The following TMEM106B variants were observed in gnomAD, a reference collection of about 807,000 sequenced individuals.
TMEM106B encodes transmembrane protein 106B.
Under a neutral mutation model 31.1 loss-of-function variants are expected in TMEM106B, and 15 were observed. That is an observed-to-expected ratio of 0.48 (90% confidence interval 0.32 to 0.74). The LOEUF (loss-of-function observed/expected upper bound fraction) is 0.74. Ranked by LOEUF, TMEM106B falls within the 30% of genes least tolerant of loss-of-function variation. The probability of loss-of-function intolerance (pLI) is 0.03; values close to 1 mark genes in which losing one functional copy is unlikely to be tolerated. For missense variants in TMEM106B, 283 were observed against 327.3 expected, an observed-to-expected ratio of 0.86 and a Z score of 1.04; for synonymous variants, 126 against 112.5, an observed-to-expected ratio of 1.12 and a Z score of -0.76.
In TMEM106B at chr7:12,240,620, C is replaced by T. The variant is rs1782223979; in HGVS notation, c.*8645C>T. ...AAAGATGTATTACCTGAATGTGCTC[C>T]TCCTAGCCAGTTTCTCAAGGGAGAA... On this transcript the variant is annotated 3_prime_UTR_variant, in exon 8 of 8. Coordinates refer to ENST00000396668, the MANE Select transcript of TMEM106B (RefSeq NM_001134232.2). 6.6e-6 allele frequency: 1 copy of T among 150,958 alleles called. No individual in the cohort carries two copies. Among genetic ancestry groups the T allele is most frequent in the African/African-American group, 2.4e-5 (1 of 41,068 alleles). 9.4% of individuals were successfully genotyped at this position (150,958 alleles called of 1,614,324 possible).
rs1782053994 is a variant in TMEM106B at position 12,232,886 on chromosome 7, A to G, written c.*911A>G. The G allele has an allele frequency of 6.6e-6, 1 of 151,890 alleles. No homozygotes were observed. The highest frequency in any genetic ancestry group is 1.5e-5 in the Non-Finnish European group (1 of 67,762). 9.4% of individuals were successfully genotyped at this position (151,890 alleles called of 1,614,324 possible). A position where few individuals can be genotyped will look rare whatever the true frequency, so the allele number is the denominator to read the frequency against. On this transcript the variant is annotated 3_prime_UTR_variant, in exon 8 of 8. Transcript: ENST00000396668. Reference sequence around the variant, plus strand: ...TGGCATAAAATAAATTTGAAATAAAATATTTTGATGCTCCATTTTTTTATG... The same window carrying G: ...TGGCATAAAATAAATTTGAAATAAAGTATTTTGATGCTCCATTTTTTTATG...
At position 12,243,225 on chromosome 7, in the gene TMEM106B, C is replaced by G. The variant is rs1400209755; in HGVS notation, c.*11250C>G. 2.6e-5 allele frequency: 4 copies of G among 151,994 alleles called. No homozygotes were observed. Among genetic ancestry groups the G allele is most frequent in the Non-Finnish European group, 5.9e-5 (4 of 67,966 alleles). The allele number at this position is 151,994 out of a possible 1,614,324, so 9.4% of individuals were successfully genotyped here. A position where few individuals can be genotyped will look rare whatever the true frequency, so the allele number is the denominator to read the frequency against. On this transcript the variant is annotated 3_prime_UTR_variant, in exon 8 of 8. Coordinates refer to ENST00000396668, the MANE Select transcript of TMEM106B (RefSeq NM_001134232.2). ...AGTTCAGGCTTAATATATATGACTA[C>G]TATAAGTCAACCTCACATTTTAATG...
chr7:12,231,766 A>G, intron 7 of TMEM106B, 71 bp from the exon 8 acceptor site: 1 of 1,250,640 alleles, frequency 8.0e-7, no homozygotes, highest in Non-Finnish European at 1.1e-6. Context: ...TTTATGTGTT[A>G]AAGTAGTCTC....
rs1782163360 is a variant in TMEM106B at position 12,237,635 on chromosome 7, G to A, written c.*5660G>A. The A allele has an allele frequency of 6.6e-6, 1 of 151,942 alleles. No homozygotes were observed. The highest frequency in any genetic ancestry group is 1.5e-5 in the Non-Finnish European group (1 of 67,994). The allele number at this position is 151,942 out of a possible 1,614,324, so 9.4% of individuals were successfully genotyped here. On this transcript the variant is annotated 3_prime_UTR_variant, in exon 8 of 8. Coordinates refer to ENST00000396668, the MANE Select transcript of TMEM106B (RefSeq NM_001134232.2). ...TTTACATCATACTGTAGTCTATTAA[G>A]TGTGCAATAGCATTATGTCGAAAAA...
chr7:12,216,403 G>A lies in TMEM106B; in HGVS notation c.217+1376G>A, dbSNP rs190495967. 2.2e-3 allele frequency among the ~76,000 whole-genome samples: 332 copies of A among 152,086 alleles called. 2 individuals are homozygous for A. Among genetic ancestry groups the A allele is most frequent in the African/African-American group, 7.6e-3 (317 of 41,458 alleles). Reference sequence around the variant, plus strand: ...TTGAAAAAAAAAAGATTATTTGAGTGTATATGTCACAGGAGAGTTCAGGAG... The same window carrying A: ...TTGAAAAAAAAAAGATTATTTGAGTATATATGTCACAGGAGAGTTCAGGAG... On this transcript the variant is annotated intron_variant, in intron 2 of 7. Coordinates refer to ENST00000396668, the MANE Select transcript of TMEM106B (RefSeq NM_001134232.2).
intron 1 of TMEM106B, among the ~76,000 whole-genome samples, chr7:12,213,209 C>T (rs1348651062): frequency 6.6e-6 from 1 of 151,786 alleles, no homozygotes; most frequent in African/African-American, 2.4e-5. Flanking sequence ...AGTTAGTGTT[C>T]TAAATTTTGC....
chr7:12,234,001 A>T lies in TMEM106B; in HGVS notation c.*2026A>T, dbSNP rs943787178. ...TACACATTTAGTGACTGTGTAAAAT[A>T]AAAAAAAAGTTATTTTATCATATCC... On this transcript the variant is annotated 3_prime_UTR_variant, in exon 8 of 8. Coordinates refer to ENST00000396668, the MANE Select transcript of TMEM106B (RefSeq NM_001134232.2). 8.5e-5 allele frequency: 12 copies of T among 141,706 alleles called. No homozygotes were observed. The highest frequency in any genetic ancestry group is 2.2e-4 in the South Asian group (1 of 4,628). 8.8% of individuals were successfully genotyped at this position (141,706 alleles called of 1,614,324 possible).
rs1327352726 is a variant in TMEM106B, at chr7:12,235,880, G to A, written c.*3905G>A. The A allele has an allele frequency of 1.3e-5, 2 of 151,904 alleles. No individual in the cohort carries two copies. The highest frequency in any genetic ancestry group is 2.1e-4 in the South Asian group (1 of 4,826). 9.4% of individuals were successfully genotyped at this position (151,904 alleles called of 1,614,324 possible). A position where few individuals can be genotyped will look rare whatever the true frequency, so the allele number is the denominator to read the frequency against. On this transcript the variant is annotated 3_prime_UTR_variant, in exon 8 of 8. Transcript: ENST00000396668. ...GCTTACCATAATGTCATTAGGTCAC[G>A]ATTTTTAGCTCACATCTGGAAGCAG...
chr7:12,224,195 A>G (rs770140622), intron 3 of TMEM106B, 31 bp from the exon 4 acceptor site: 50 of 1,594,868 alleles, frequency 3.1e-5, no homozygotes, highest in South Asian at 1.6e-4. Flanking sequence ...TCTGATGCAC[A>G]TGTACTTAAA....
chr7:12,216,826 G>A (rs774454729), intron 2 of TMEM106B, among the ~76,000 whole-genome samples: 2 of 152,128 alleles, frequency 1.3e-5, no homozygotes, highest in African/African-American at 4.8e-5. Flanking sequence ...ACTGAGAACT[G>A]GCCATTGGAT....
rs1782096212 is a variant in TMEM106B, at chr7:12,234,770, T to C, written c.*2795T>C. ...CAGTACTATAACAAACCTCTGTATG[T>C]TGATAGCACATTGGCCCTTTTTAGA... On this transcript the variant is annotated 3_prime_UTR_variant, in exon 8 of 8. Transcript: ENST00000396668. 1 of 133,534 alleles carries C rather than the reference T, an allele frequency of 7.5e-6. No individual in the cohort carries two copies. The highest frequency in any genetic ancestry group is 3.0e-5 in the African/African-American group (1 of 32,876). 8.3% of individuals were successfully genotyped at this position (133,534 alleles called of 1,614,324 possible).
At chr7:12,218,986 C>T (rs550835129) in intron 3 of TMEM106B, among the ~76,000 whole-genome samples, 18 of 152,066 alleles carry the variant, frequency 1.2e-4, no homozygotes, top group African/African-American at 4.3e-4. Flanking sequence ...GAAGAGGACA[C>T]CCAGCAAATA....
chr7:12,231,775 T>C, intron 7 of TMEM106B, 62 bp from the exon 8 acceptor site: 1 of 1,367,500 alleles, frequency 7.3e-7, no homozygotes, highest in Non-Finnish European at 1.0e-6. Context: ...TAAAGTAGTC[T>C]CACTATGGAA....
In TMEM106B at chr7:12,230,366, G is replaced by A. The variant is rs757256679; in HGVS notation, c.583-23G>A. On this transcript the variant is annotated intron_variant, in intron 5 of 7. Transcript: ENST00000396668. ...TGATGTTTTGATCTTGTTCTCTATC[G>A]AATTTCTCCTTTTGCCTTTCAGATT... 2.4e-5 allele frequency: 37 copies of A among 1,566,306 alleles called. No homozygotes were observed. The East Asian group carries it at 4.5e-4, about 19-fold the overall frequency.
intron 6 of TMEM106B, chr7:12,230,809 A>T (rs1023173742): frequency 1.7e-5 from 6 of 344,350 alleles, no homozygotes; most frequent in African/African-American, 6.4e-5. Context: ...AAATTTCAGA[A>T]GATGAGCAAA....
rs1346734677 is a variant in TMEM106B at position 12,240,570 on chromosome 7, G to C, written c.*8595G>C. On this transcript the variant is annotated 3_prime_UTR_variant, in exon 8 of 8. Coordinates refer to ENST00000396668, the MANE Select transcript of TMEM106B (RefSeq NM_001134232.2). ...GAATGTGCCCAAAATTATCTCTGTA[G>C]AATAATATGGAAAAACGAAAATGAA... 1 of 151,838 alleles carries C rather than the reference G, an allele frequency of 6.6e-6. No individual in the cohort carries two copies. Among genetic ancestry groups the C allele is most frequent in the South Asian group, 2.1e-4 (1 of 4,822 alleles). The allele number at this position is 151,838 out of a possible 1,614,324, so 9.4% of individuals were successfully genotyped here.
chr7:12,225,604 A>G (rs1781885194), intron 4 of TMEM106B, among the ~76,000 whole-genome samples: 1 of 151,990 alleles, frequency 6.6e-6, no homozygotes, highest in Non-Finnish European at 1.5e-5. Flanking sequence ...TTTGATTTGC[A>G]TTTTTCTGAT....
chr7:12,232,838 A>G lies in TMEM106B; in HGVS notation c.*863A>G, dbSNP rs1782053081. The G allele has an allele frequency of 6.6e-6, 1 of 152,228 alleles. No homozygotes were observed. Among genetic ancestry groups the G allele is most frequent in the South Asian group, 2.1e-4 (1 of 4,828 alleles). 9.4% of individuals were successfully genotyped at this position (152,228 alleles called of 1,614,324 possible). On this transcript the variant is annotated 3_prime_UTR_variant, in exon 8 of 8. Transcript: ENST00000396668. ...ATTCAGAAACCCATAGACTGGGAAT[A>G]GGTTCCAGTTACAGCTTGGATCTGG...
At position 12,241,718 on chromosome 7, in the gene TMEM106B, G is replaced by T. The variant is rs1237243085; in HGVS notation, c.*9743G>T. 1 of 152,160 alleles carries T rather than the reference G, an allele frequency of 6.6e-6. No homozygotes were observed. The highest frequency in any genetic ancestry group is 1.5e-5 in the Non-Finnish European group (1 of 68,032). The allele number at this position is 152,160 out of a possible 1,614,324, so 9.4% of individuals were successfully genotyped here. ...ACAGTGCTGCAATAAACATATGTGT[G>T]TATGTGTCTTTACAGTAAAATGATT... On this transcript the variant is annotated 3_prime_UTR_variant, in exon 8 of 8. Coordinates refer to ENST00000396668, the MANE Select transcript of TMEM106B (RefSeq NM_001134232.2).
Sources: gnomAD v4.1 joint callset for allele counts (sites outside exome capture counted in the v4.1 genomes callset) on GRCh38, gnomAD v4.1.1 for gene constraint, MANE v1.5 for transcripts, NCBI Gene and HGNC (gene_info 2026-07-23, HGNC 2026-07-21) for gene names.